Variants in LRGUK observed in about 807,000 individuals in gnomAD.
The protein encoded by LRGUK is leucine rich repeats and guanylate kinase domain containing.
A neutral mutation model predicts 76.0 loss-of-function variants in LRGUK; 65 were observed. The observed-to-expected ratio is 0.85, with a 90% CI of 0.70 to 1.05. The LOEUF is 1.05. LRGUK is among the 50% of genes least tolerant of loss of function. The pLI is 0.00. For synonymous variants in LRGUK, 268 were observed against 265.6 expected (o/e 1.01, Z -0.09); for missense variants, 758 against 732.8 (o/e 1.03, Z -0.40).
intron 16 of LRGUK, among the ~76,000 whole-genome samples, chr7:134,233,896 G>A (rs540458001): frequency 3.9e-5 from 6 of 152,178 alleles, no homozygotes; most frequent in Admixed American, 6.5e-5. Context: ...ACAGCCTGCC[G>A]GCCACATGTG....
chr7:134,198,288 A>G (rs1251058127), intron 13 of LRGUK, among the ~76,000 whole-genome samples: 2 of 152,178 alleles, frequency 1.3e-5, no homozygotes, highest in South Asian at 2.1e-4. Flanking sequence ...TGCATTTTTG[A>G]GTCCAGAAAC....
rs1384353153 is a variant in LRGUK, at chr7:134,191,530, G to A, written c.1335-125G>A. On this transcript the variant is annotated intron_variant, in intron 11 of 15. Coordinates refer to ENST00000645682, the Ensembl canonical transcript of LRGUK. ...TCGAAACCAACATATTCTTACAACT[G>A]TATTACTTTATGATTTATGATTTGT... 4.3e-6 allele frequency: 3 copies of A among 700,124 alleles called. No individual in the cohort carries two copies. In the Admixed American group the frequency reaches 8.4e-5, roughly 20 times the overall value. The allele number at this position is 700,124 out of a possible 1,614,324, so 43.4% of individuals were successfully genotyped here. A position where few individuals can be genotyped will look rare whatever the true frequency, so the allele number is the denominator to read the frequency against.
At chr7:134,187,556 G>A (rs1800029774) in intron 11 of LRGUK, among the ~76,000 whole-genome samples, 1 of 152,218 alleles carries the variant, frequency 6.6e-6, no homozygotes, top group African/African-American at 2.4e-5. Context: ...GTGCGGCTGA[G>A]AGATTTTGCT....
In LRGUK at chr7:134,201,466, C is replaced by T; in HGVS notation, c.1748-15C>T. ...TGTGATCCTGTTGCTTTAAAATGTA[C>T]TCTCTTTGCTGCAGATGATCTGGAT... On this transcript the variant is annotated splice_polypyrimidine_tract_variant and intron_variant, in intron 14 of 15. Coordinates refer to ENST00000645682, the Ensembl canonical transcript of LRGUK. The T allele has an allele frequency of 6.2e-7, 1 of 1,602,374 alleles. No individual in the cohort carries two copies. Among genetic ancestry groups the T allele is most frequent in the Non-Finnish European group, 8.5e-7 (1 of 1,169,716 alleles).
chr7:134,228,399 G>GA (rs1414039179), intron 16 of LRGUK, among the ~76,000 whole-genome samples: 1 of 151,986 alleles, frequency 6.6e-6, no homozygotes, highest in Non-Finnish European at 1.5e-5. Flanking sequence ...CATAGATAGA[G>GA]AAAAAAATGA....
At chr7:134,130,069 A>G (rs1020403376) in intron 1 of LRGUK, among the ~76,000 whole-genome samples, 2 of 151,404 alleles carry the variant, frequency 1.3e-5, no homozygotes, top group Non-Finnish European at 2.9e-5. Context: ...TCCCTTCCTC[A>G]TACCCCATTT....
downstream of LRGUK, among the ~76,000 whole-genome samples, chr7:134,213,759 A>G (rs141637902): frequency 1.3e-5 from 2 of 152,266 alleles, no homozygotes; most frequent in East Asian, 3.9e-4. Flanking sequence ...AGAGGAAAGG[A>G]GTGGAAAAGA....
At chr7:134,257,720 C>T (rs1331451409) in intron 18 of LRGUK, among the ~76,000 whole-genome samples, 1 of 152,064 alleles carries the variant, frequency 6.6e-6, no homozygotes, top group Non-Finnish European at 1.5e-5. Context: ...GGGGGAATCA[C>T]TTGAACCCAG....
intron 15 of LRGUK, among the ~76,000 whole-genome samples, chr7:134,205,613 T>A (rs1462600777): frequency 6.6e-6 from 1 of 152,172 alleles, no homozygotes; most frequent in African/African-American, 2.4e-5. Flanking sequence ...GAAATTGAAA[T>A]AAAAAATATT....
At chr7:134,274,542 C>T in the LRGUK span, among the ~76,000 whole-genome samples, 1 of 152,032 alleles carries the variant, frequency 6.6e-6, no homozygotes, top group Non-Finnish European at 1.5e-5. Context: ...TTTTTATCAA[C>T]TTGTTCTGTA....
intron 19 of LRGUK, among the ~76,000 whole-genome samples, 171 bp from the exon 20 acceptor site, chr7:134,263,674 C>G (rs1802798458): frequency 1.3e-5 from 2 of 148,648 alleles, no homozygotes; most frequent in South Asian, 4.3e-4. Flanking sequence ...CTTGGCCTCC[C>G]AAAGTACTGC....
the LRGUK span, among the ~76,000 whole-genome samples, chr7:134,271,938 A>C: frequency 1.3e-5 from 2 of 152,138 alleles, no homozygotes; most frequent in Non-Finnish European, 2.9e-5. Flanking sequence ...CAGGATTTCT[A>C]TGCAGATAGT....
At chr7:134,221,089 AT>A (rs1185115017) in intron 15 of LRGUK, among the ~76,000 whole-genome samples, 7 of 152,050 alleles carry the variant, frequency 4.6e-5, no homozygotes, top group African/African-American at 1.7e-4. Context: ...ATATATTAGT[AT>A]TTTTTTCATC....
At chr7:134,219,299 A>G (rs1298322761) in intron 15 of LRGUK, among the ~76,000 whole-genome samples, 2 of 152,206 alleles carry the variant, frequency 1.3e-5, no homozygotes, top group African/African-American at 2.4e-5. Context: ...GTAGTTTAAT[A>G]GTAATCTAAA....
At chr7:134,166,478 G>T (rs565667660) in intron 7 of LRGUK, among the ~76,000 whole-genome samples, 1 of 152,012 alleles carries the variant, frequency 6.6e-6, no homozygotes, top group African/African-American at 2.4e-5. Context: ...GAGTGACTTC[G>T]AAAAACGCTG....
At chr7:134,255,217 ATCTCAAC>A (rs1000846700) in intron 18 of LRGUK, among the ~76,000 whole-genome samples, 10 of 134,264 alleles carry the variant, frequency 7.4e-5, no homozygotes, top group Non-Finnish European at 1.3e-4. Context: ...GACATATGTT[ATCTCAAC>A]ACACACACAC....
chr7:134,189,187 G>C (rs945547022), intron 11 of LRGUK, among the ~76,000 whole-genome samples: 4 of 152,078 alleles, frequency 2.6e-5, no homozygotes, highest in Non-Finnish European at 4.4e-5. Flanking sequence ...CAGGGATTGT[G>C]GTTCCCATTA....
At chr7:134,127,930 C>G (rs2116773704) in intron 1 of LRGUK, among the ~76,000 whole-genome samples, 1 of 151,936 alleles carries the variant, frequency 6.6e-6, no homozygotes, top group East Asian at 1.9e-4. Flanking sequence ...CACAGCGTCA[C>G]TTTGTAAGAG....
intron 16 of LRGUK, among the ~76,000 whole-genome samples, chr7:134,233,089 C>T (rs181785793): frequency 1.6e-4 from 25 of 152,184 alleles, no homozygotes; most frequent in African/African-American, 5.8e-4. Context: ...TTTATTTTTG[C>T]AACACTCATG....
Sources: gnomAD v4.1 joint callset for allele counts (sites outside exome capture counted in the v4.1 genomes callset) on GRCh38, gnomAD v4.1.1 for gene constraint, MANE v1.5 for transcripts, NCBI Gene and HGNC (gene_info 2026-07-23, HGNC 2026-07-21) for gene names.